The following DNER variants were observed in gnomAD, a reference collection of about 807,000 sequenced individuals.
DNER encodes the protein delta/notch like EGF repeat containing, also known as delta and Notch-like epidermal growth factor-related receptor.
Under a neutral mutation model 78.2 loss-of-function variants are expected in DNER, and 33 were observed. The ratio of observed to expected loss-of-function variants is 0.42; its 90% CI spans 0.32 to 0.56. The LOEUF (loss-of-function observed/expected upper bound fraction) is 0.56, where lower values mean the gene tolerates loss of function less well. Ranked by LOEUF, DNER falls within the 20% of genes least tolerant of loss-of-function variation. The pLI, the probability that DNER is intolerant of heterozygous loss-of-function variation, is 0.11. For missense variants in DNER, 918 were observed against 975.3 expected (o/e 0.94, Z 0.78); for synonymous variants, 417 against 384.8 (o/e 1.08, Z -0.98).
chr2:229,405,873 T>G (rs1041769663), intron 10 of DNER, among the ~76,000 whole-genome samples: 3 of 152,160 alleles, frequency 2.0e-5, no homozygotes, highest in Non-Finnish European at 4.4e-5. Flanking sequence ...ACTCATGGGA[T>G]AAGAATATCT....
chr2:229,638,191 G>A lies in DNER; in HGVS notation c.277-46303C>T, dbSNP rs529892471. 3.3e-5 allele frequency among the ~76,000 whole-genome samples: 5 copies of A among 152,218 alleles called. No individual in the cohort carries two copies. The East Asian group carries it at 9.6e-4, about 29-fold the overall frequency. On this transcript the variant is annotated intron_variant, in intron 1 of 12. Coordinates refer to ENST00000341772, the MANE Select transcript of DNER (RefSeq NM_139072.4). Reference sequence around the variant, plus strand: ...CACAATCCTAGCAGGCTTTTTTATAGAGATTGAAAAAATATTTTATAGACA... The same window carrying A: ...CACAATCCTAGCAGGCTTTTTTATAAAGATTGAAAAAATATTTTATAGACA...
At chr2:229,680,485 T>C (rs995083422) in intron 1 of DNER, among the ~76,000 whole-genome samples, 6 of 152,194 alleles carry the variant, frequency 3.9e-5, no homozygotes, top group African/African-American at 1.4e-4. Flanking sequence ...CAGATGCCTG[T>C]GGAGTCACTA....
At chr2:229,552,614 C>T (rs749793193) in intron 4 of DNER, among the ~76,000 whole-genome samples, 28 of 152,092 alleles carry the variant, frequency 1.8e-4, no homozygotes, top group African/African-American at 4.6e-4. Flanking sequence ...TGCCACCATG[C>T]GAAGAAGGAC....
intron 5 of DNER, among the ~76,000 whole-genome samples, chr2:229,541,965 T>C (rs1334210255): frequency 1.4e-5 from 2 of 147,268 alleles, no homozygotes; most frequent in Non-Finnish European, 3.0e-5. Flanking sequence ...TATATTTATA[T>C]ATTAATTATA....
intron 1 of DNER, among the ~76,000 whole-genome samples, chr2:229,671,821 A>G (rs1699214824): frequency 6.6e-6 from 1 of 152,354 alleles, no homozygotes; most frequent in African/African-American, 2.4e-5. Flanking sequence ...TCGTGGGGGC[A>G]GTAAACGGAT....
intron 1 of DNER, among the ~76,000 whole-genome samples, chr2:229,696,276 A>C (rs1699660969): frequency 6.6e-6 from 1 of 152,212 alleles, no homozygotes; most frequent in Admixed American, 6.5e-5. Context: ...CTTAACAAAC[A>C]AGTTGACTGG....
intron 11 of DNER, among the ~76,000 whole-genome samples, chr2:229,369,321 A>G (rs1692426687): frequency 6.7e-6 from 1 of 149,818 alleles, no homozygotes; most frequent in Non-Finnish European, 1.5e-5. Context: ...AAAAGTTTTA[A>G]CTTTCTAAAA....
intron 1 of DNER, among the ~76,000 whole-genome samples, chr2:229,613,740 A>C (rs1159295808): frequency 6.6e-6 from 1 of 152,026 alleles, no homozygotes; most frequent in East Asian, 1.9e-4. Context: ...CTTTAAAGAC[A>C]TTTCATTTAC....
At chr2:229,420,827 A>G (rs188906724) in intron 8 of DNER, among the ~76,000 whole-genome samples, 36 of 152,362 alleles carry the variant, frequency 2.4e-4, no homozygotes, top group African/African-American at 8.7e-4. Context: ...GTAGGAAGGT[A>G]AAATGGTACA....
At chr2:229,361,529 G>A (rs1196507734) in intron 12 of DNER, among the ~76,000 whole-genome samples, 1 of 152,096 alleles carries the variant, frequency 6.6e-6, no homozygotes, top group Non-Finnish European at 1.5e-5. Context: ...AGGCTGAGTT[G>A]AGTAGTCAGG....
At chr2:229,391,836 C>A (rs113613872) in intron 10 of DNER, among the ~76,000 whole-genome samples, 4,473 of 152,272 alleles carry the variant, frequency 0.029, 95 homozygotes, top group African/African-American at 0.06. Context: ...AGCCACCATG[C>A]CCAGCCAAAT....
intron 1 of DNER, among the ~76,000 whole-genome samples, chr2:229,629,279 A>T (rs865966206): frequency 6.6e-5 from 10 of 152,188 alleles, no homozygotes; most frequent in African/African-American, 2.2e-4. Flanking sequence ...CTAAACCTTA[A>T]TGCTTTCCAA....
intron 1 of DNER, among the ~76,000 whole-genome samples, chr2:229,624,417 C>T (rs1453978282): frequency 1.3e-5 from 2 of 152,022 alleles, no homozygotes; most frequent in African/African-American, 4.8e-5. Flanking sequence ...CCTAAAAGTC[C>T]GTTCTTCAAC....
intron 11 of DNER, among the ~76,000 whole-genome samples, chr2:229,375,343 T>G (rs1053774450): frequency 1.3e-5 from 2 of 152,218 alleles, no homozygotes; most frequent in Admixed American, 6.5e-5. Flanking sequence ...TCAGAGACCT[T>G]GTTTTCTGGC....
intron 5 of DNER, among the ~76,000 whole-genome samples, chr2:229,546,659 C>T (rs1016862300): frequency 6.6e-6 from 1 of 152,080 alleles, no homozygotes; most frequent in South Asian, 2.1e-4. Context: ...TCACTTGAAC[C>T]CAGGAGCCAG....
intron 1 of DNER, among the ~76,000 whole-genome samples, chr2:229,661,414 A>G (rs1490757741): frequency 7.6e-6 from 1 of 132,046 alleles, no homozygotes; most frequent in African/African-American, 2.6e-5. Context: ...TTGAACCCTA[A>G]AGTTCCAAGA....
chr2:229,466,939 A>G (rs970481185), intron 7 of DNER, among the ~76,000 whole-genome samples: 1 of 152,198 alleles, frequency 6.6e-6, no homozygotes, highest in South Asian at 2.1e-4. Flanking sequence ...TTGGAATTCG[A>G]GGCATTGTTT....
At chr2:229,456,111 C>T (rs1258559629) in intron 7 of DNER, among the ~76,000 whole-genome samples, 1 of 151,982 alleles carries the variant, frequency 6.6e-6, no homozygotes, top group Non-Finnish European at 1.5e-5. Flanking sequence ...GTTCTGCAGG[C>T]TGTACAGGAA....
intron 1 of DNER, among the ~76,000 whole-genome samples, chr2:229,697,449 G>T (rs1426053050): frequency 6.6e-6 from 1 of 152,144 alleles, no homozygotes; most frequent in South Asian, 2.1e-4. Flanking sequence ...GCCACTAAAA[G>T]GTTCCCTTTA....
Sources: gnomAD v4.1 joint callset for allele counts (sites outside exome capture counted in the v4.1 genomes callset) on GRCh38, gnomAD v4.1.1 for gene constraint, MANE v1.5 for transcripts, NCBI Gene and HGNC (gene_info 2026-07-23, HGNC 2026-07-21) for gene names.